The following LPAR4 variants were observed in gnomAD, a reference collection of about 807,000 sequenced individuals.
LPAR4 encodes lysophosphatidic acid receptor 4, also known as G-protein coupled receptor 23.
LPAR4 carries 14 observed loss-of-function variants against 9.2 expected under a neutral mutation model. The observed-to-expected ratio is 1.51, with a 90% confidence interval of 1.00 to 2.37. The LOEUF (loss-of-function observed/expected upper bound fraction) is 2.37, where lower values mean the gene tolerates loss of function less well. Ranked by LOEUF, LPAR4 falls within the 30% of genes most tolerant of loss-of-function variation. The pLI, the probability that LPAR4 is intolerant of heterozygous loss-of-function variation, is 0.00. For synonymous variants in LPAR4, 131 were observed against 97.9 expected (o/e 1.34, Z -1.99); for missense variants, 251 against 272.1 (o/e 0.92, Z 0.55).
chrX:78,754,725 T>C, intron 4 of LPAR4, 66 bp from the exon 5 acceptor site: 2 of 461,294 alleles, frequency 4.3e-6, no homozygotes, highest in Non-Finnish European at 7.1e-6. Flanking sequence ...GGACAGAATA[T>C]CTTATTACAC....
intron 4 of LPAR4, among the ~76,000 whole-genome samples, chrX:78,754,040 T>A (rs1220033990): frequency 9.0e-6 from 1 of 111,487 alleles, no homozygotes; most frequent in Non-Finnish European, 1.9e-5. Context: ...TTGCTGTGGG[T>A]GTAATATATA....
In LPAR4 at chrX:78,757,264, C is replaced by A. The variant is rs1328804832; in HGVS notation, c.*1282C>A. 9.0e-6 allele frequency among the ~76,000 whole-genome samples: 1 copy of A among 111,433 alleles called. No homozygotes were observed. The highest frequency in any genetic ancestry group is 1.9e-5 in the Non-Finnish European group (1 of 52,938). On this transcript the variant is annotated 3_prime_UTR_variant, in exon 5 of 5. Coordinates refer to ENST00000614823, the MANE Select transcript of LPAR4 (RefSeq NM_001278000.3). ...ACATTTTGAAGCACAACGCAGCTAC[C>A]AAGTGGCTAAATTCGTCTCCTGGTT...
Position 78,751,192 on chromosome X carries a change from A to T in LPAR4, c.-181-18A>T, listed in dbSNP as rs1925047584. 9.0e-6 allele frequency: 1 copy of T among 111,342 alleles called. No homozygotes were observed. The highest frequency in any genetic ancestry group is 1.9e-5 in the Non-Finnish European group (1 of 52,948). The allele number at this position is 111,342 out of a possible 1,213,427, so 9.2% of individuals were successfully genotyped here. A position where few individuals can be genotyped will look rare whatever the true frequency, so the allele number is the denominator to read the frequency against. Reference sequence around the variant, plus strand: ...GCTCTCTTTATGGCACACTATTATGACTATTTCTATTTCACAGCACCCATT... The same window carrying T: ...GCTCTCTTTATGGCACACTATTATGTCTATTTCTATTTCACAGCACCCATT... On this transcript the variant is annotated intron_variant, in intron 3 of 4. Transcript: ENST00000614823.
chrX:78,753,396 G>T (rs1390716282), intron 4 of LPAR4, among the ~76,000 whole-genome samples: 1 of 111,405 alleles, frequency 9.0e-6, no homozygotes, highest in African/African-American at 3.3e-5. Context: ...TGTCTTTCTG[G>T]TTTTTTAATC....
chrX:78,752,783 C>G (rs771719509), intron 4 of LPAR4, among the ~76,000 whole-genome samples: 17 of 111,507 alleles, frequency 1.5e-4, no homozygotes, highest in African/African-American at 5.5e-4. Flanking sequence ...GAAGTTGGAG[C>G]TTTGTTTTCA....
chrX:78,747,890 C>T lies in LPAR4; in HGVS notation c.-439C>T, dbSNP rs1184909545. On this transcript the variant is annotated 5_prime_UTR_variant, in exon 1 of 5. Coordinates refer to ENST00000614823, the MANE Select transcript of LPAR4 (RefSeq NM_001278000.3). ...GCTACTTTAGGCTGGGCTAACCTTT[C>T]CCTGTAAAAAAAAAAAAAAAAAAAA... 6.2e-5 allele frequency: 5 copies of T among 80,636 alleles called. No individual in the cohort carries two copies. Among genetic ancestry groups the T allele is most frequent in the Non-Finnish European group, 1.1e-4 (5 of 44,918 alleles). The allele number at this position is 80,636 out of a possible 1,213,427, so 6.6% of individuals were successfully genotyped here. A position where few individuals can be genotyped will look rare whatever the true frequency, so the allele number is the denominator to read the frequency against.
intron 4 of LPAR4, 63 bp from the exon 5 acceptor site, chrX:78,754,728 T>G (rs1925208045): frequency 2.1e-6 from 1 of 467,078 alleles, no homozygotes; most frequent in African/African-American, 2.4e-5. Flanking sequence ...CAGAATATCT[T>G]ATTACACAGA....
Position 78,755,151 on chromosome X carries a change from T to C in LPAR4, c.282T>C (p.Phe94=). The C allele has an allele frequency of 8.3e-7, 1 of 1,210,782 alleles. No individual in the cohort carries two copies. Among genetic ancestry groups the C allele is most frequent in the East Asian group, 3.0e-5 (1 of 33,813 alleles). ...TGCTTTTTGTCTGTACACTACCTTT[T>C]AAAATATTTTACAACTTCAACCGCC... The part of the protein sequence containing the change: ...SDLLFVCTLP[F]KIFYNFNRHW... The change falls in exon 5 of 5, where the codon TTT becomes TTC. Residue 94 remains phenylalanine, a synonymous_variant. Transcript: ENST00000614823.
At chrX:78,749,847 G>T (rs1924979781) in intron 1 of LPAR4, among the ~76,000 whole-genome samples, 1 of 111,339 alleles carries the variant, frequency 9.0e-6, no homozygotes. Context: ...GAAAAGAACA[G>T]CCAGTAAGGC....
chrX:78,754,731 T>C, intron 4 of LPAR4, 60 bp from the exon 5 acceptor site: 1 of 472,595 alleles, frequency 2.1e-6, no homozygotes, highest in Non-Finnish European at 3.4e-6. Context: ...AATATCTTAT[T>C]ACACAGAAAT....
At position 78,756,020 on chromosome X, in the gene LPAR4, C is replaced by T. The variant is rs866998602; in HGVS notation, c.*38C>T. 1 of 1,100,359 alleles carries T rather than the reference C, an allele frequency of 9.1e-7. No individual in the cohort carries two copies. Among genetic ancestry groups the T allele is most frequent in the Non-Finnish European group, 1.2e-6 (1 of 816,692 alleles). 90.7% of individuals were successfully genotyped at this position (1,100,359 alleles called of 1,213,427 possible). ...TGTTCAGGTCCAGATATGGTTTCTC[C>T]TATAATTTTTCCTATGCTATAAACT... On this transcript the variant is annotated 3_prime_UTR_variant, in exon 5 of 5. Coordinates refer to ENST00000614823, the MANE Select transcript of LPAR4 (RefSeq NM_001278000.3).
At position 78,758,019 on chromosome X, in the gene LPAR4, A is replaced by C. The variant is rs1925379017; in HGVS notation, c.*2037A>C. ...TAAAAATACTGAGACTTTTAAGTAAAAATCTGTTAGCATAATGTAACTTTA... is the reference window on the plus strand; with the variant it reads ...TAAAAATACTGAGACTTTTAAGTAACAATCTGTTAGCATAATGTAACTTTA... On this transcript the variant is annotated 3_prime_UTR_variant, in exon 5 of 5. Transcript: ENST00000614823. Among the ~76,000 whole-genome samples, 2 of 112,059 alleles carry C rather than the reference A, an allele frequency of 1.8e-5. No homozygotes were observed. The highest frequency in any genetic ancestry group is 3.8e-5 in the Non-Finnish European group (2 of 53,061).
intron 3 of LPAR4, among the ~76,000 whole-genome samples, 185 bp from the exon 4 acceptor site, chrX:78,751,025 T>A (rs1284641807): frequency 1.8e-5 from 2 of 111,900 alleles, no homozygotes; most frequent in Non-Finnish European, 3.8e-5. Context: ...TCTGTAATAA[T>A]GAAATCCAAT....
rs1925403639 is a variant in LPAR4 at position 78,758,589 on chromosome X, GA to G, written c.*2611del. Among the ~76,000 whole-genome samples the G allele has an allele frequency of 2.7e-5, 3 of 111,301 alleles. No individual in the cohort carries two copies. In the East Asian group the frequency reaches 8.4e-4, roughly 31 times the overall value. On this transcript the variant is annotated 3_prime_UTR_variant, in exon 5 of 5. Transcript: ENST00000614823. ...CTTGTCACATTAACAATGTAACCAA[GA>G]AAATGTAAAGTATAACTAAATATAA...
chrX:78,755,958 A>G lies in LPAR4; in HGVS notation c.1089A>G (p.Glu363=). ...VSDQTTNNGG[E]LMLESTF ...ATCAAACAACAAATAATGGTGGTGA[A>G]TTAATGCTAGAATCCACCTTTTAGG... Residue 363 remains glutamate, a synonymous_variant, in exon 5 of 5, where the codon GAA becomes GAG. Coordinates refer to ENST00000614823, the MANE Select transcript of LPAR4 (RefSeq NM_001278000.3). 2.5e-6 allele frequency: 3 copies of G among 1,206,571 alleles called. No individual in the cohort carries two copies. Among genetic ancestry groups the G allele is most frequent in the South Asian group, 1.8e-5 (1 of 56,223 alleles).
intron 4 of LPAR4, among the ~76,000 whole-genome samples, chrX:78,754,360 G>C (rs749371136): frequency 8.1e-4 from 90 of 111,111 alleles, no homozygotes; most frequent in Admixed American, 3.8e-3. Context: ...AGGGACTCTG[G>C]GCAGAAGGGA....
At chrX:78,748,975 A>G (rs1209176829) in intron 1 of LPAR4, 1 of 111,381 alleles carries the variant, frequency 9.0e-6, no homozygotes, top group Non-Finnish European at 1.9e-5. Flanking sequence ...GAAAAGTTGC[A>G]CTCTTGCCAA....
rs926475003 is a variant in LPAR4 at position 78,756,646 on chromosome X, T to G, written c.*664T>G. 5.7e-5 allele frequency: 7 copies of G among 122,993 alleles called. No individual in the cohort carries two copies. The highest frequency in any genetic ancestry group is 2.3e-4 in the African/African-American group (7 of 30,767). The allele number at this position is 122,993 out of a possible 1,213,427, so 10.1% of individuals were successfully genotyped here. On this transcript the variant is annotated 3_prime_UTR_variant, in exon 5 of 5. Transcript: ENST00000614823. ...TTTTTACACCAAATTAAAATTTTCATGTCAAACTTCAAAGCCAGAAAGCTG... is the reference window on the plus strand; with the variant it reads ...TTTTTACACCAAATTAAAATTTTCAGGTCAAACTTCAAAGCCAGAAAGCTG...
In LPAR4 at chrX:78,756,083, A is replaced by G; in HGVS notation, c.*101A>G. 1 of 655,109 alleles carries G rather than the reference A, an allele frequency of 1.5e-6. No individual in the cohort carries two copies. The highest frequency in any genetic ancestry group is 3.3e-5 in the East Asian group (1 of 29,992). The allele number at this position is 655,109 out of a possible 1,213,427, so 54.0% of individuals were successfully genotyped here. On this transcript the variant is annotated 3_prime_UTR_variant, in exon 5 of 5. Transcript: ENST00000614823. ...CTAATGATACTGAGAATAATGCACC[A>G]AATCCAGTCAGATACATTTGTTTGA...
Sources: gnomAD v4.1 joint callset for allele counts (sites outside exome capture counted in the v4.1 genomes callset) on GRCh38, gnomAD v4.1.1 for gene constraint, MANE v1.5 for transcripts, NCBI Gene and HGNC (gene_info 2026-07-23, HGNC 2026-07-21) for gene names.